Variants in SCHIP1 observed in about 807,000 individuals in gnomAD.
SCHIP1 encodes schwannomin-interacting protein 1.
A neutral mutation model predicts 29.7 loss-of-function variants in SCHIP1; 8 were observed. The ratio of observed to expected loss-of-function variants is 0.27; its 90% CI spans 0.16 to 0.49. The LOEUF (loss-of-function observed/expected upper bound fraction) is 0.49, where lower values mean the gene tolerates loss of function less well. Among genes scored for constraint, SCHIP1 ranks in the 20% least tolerant of loss-of-function variants. The pLI, the probability that SCHIP1 is intolerant of heterozygous loss-of-function variation, is 0.99. For synonymous variants in SCHIP1, 76 were observed against 94.9 expected (o/e 0.80, Z 1.16); for missense variants, 193 against 294.6 (o/e 0.66, Z 2.52).
chr3:159,379,215 T>G, the SCHIP1 span, among the ~76,000 whole-genome samples: 2 of 149,192 alleles, frequency 1.3e-5, no homozygotes, highest in African/African-American at 5.1e-5. Flanking sequence ...TAGGTGGGTT[T>G]TTTTGGTTTT....
the SCHIP1 span, among the ~76,000 whole-genome samples, chr3:159,680,583 ATATAATATATG>A: frequency 1.8e-5 from 2 of 109,886 alleles, no homozygotes; most frequent in Non-Finnish European, 3.4e-5. Context: ...ATATATCTAT[ATATAATATATG>A]TATAATATAT....
chr3:159,335,264 A>G, the SCHIP1 span, among the ~76,000 whole-genome samples: 1 of 152,158 alleles, frequency 6.6e-6, no homozygotes, highest in African/African-American at 2.4e-5. Flanking sequence ...TACCAGCAGC[A>G]TATGAGAGAT....
the SCHIP1 span, among the ~76,000 whole-genome samples, chr3:159,452,051 G>A: frequency 4.0e-5 from 6 of 151,830 alleles, no homozygotes; most frequent in South Asian, 2.1e-4. Context: ...AGTGGTCTGC[G>A]TTGTGTGTAA....
the SCHIP1 span, among the ~76,000 whole-genome samples, chr3:159,546,847 G>A: frequency 6.6e-6 from 1 of 151,942 alleles, no homozygotes; most frequent in Non-Finnish European, 1.5e-5. Context: ...TTGGTTCCAA[G>A]TCTTTGCTAT....
chr3:159,604,044 C>T, the SCHIP1 span, among the ~76,000 whole-genome samples: 2 of 152,192 alleles, frequency 1.3e-5, no homozygotes. Flanking sequence ...AACACTGCTG[C>T]ATTGGAGATC....
At chr3:159,807,837 C>T in the SCHIP1 span, among the ~76,000 whole-genome samples, 8 of 152,238 alleles carry the variant, frequency 5.3e-5, no homozygotes, top group Admixed American at 5.2e-4. Flanking sequence ...CTGCTGCCTT[C>T]TTAAGTCCTC....
chr3:159,357,889 A>G, the SCHIP1 span, among the ~76,000 whole-genome samples: 5 of 152,360 alleles, frequency 3.3e-5, no homozygotes, highest in Admixed American at 3.3e-4. Flanking sequence ...GAATAAATGC[A>G]GGAAGTGCCA....
the SCHIP1 span, among the ~76,000 whole-genome samples, chr3:159,522,658 C>A: frequency 6.6e-6 from 1 of 152,152 alleles, no homozygotes; most frequent in Non-Finnish European, 1.5e-5. Flanking sequence ...ATCACATGGT[C>A]AAGAGATTGA....
the SCHIP1 span, among the ~76,000 whole-genome samples, chr3:159,584,799 C>T: frequency 6.6e-6 from 1 of 152,056 alleles, no homozygotes; most frequent in Admixed American, 6.6e-5. Context: ...GTATGGGAAT[C>T]ACTGCTCCAA....
chr3:159,764,155 G>T, the SCHIP1 span: 61 of 377,958 alleles, frequency 1.6e-4, no homozygotes, highest in East Asian at 2.5e-3. The surrounding 1 kb of genome is among the most constrained non-coding windows in gnomAD (Gnocchi z 6.1). Context: ...CAAAGTCTGC[G>T]CGCGCCGCGG....
At chr3:159,817,327 G>A in the SCHIP1 span, among the ~76,000 whole-genome samples, 7 of 152,236 alleles carry the variant, frequency 4.6e-5, no homozygotes, top group East Asian at 1.9e-4. Flanking sequence ...TGCGGGTGGC[G>A]GGGTCGAGGA....
the SCHIP1 span, among the ~76,000 whole-genome samples, chr3:159,651,136 A>T: frequency 4.6e-5 from 7 of 152,192 alleles, no homozygotes; most frequent in African/African-American, 1.7e-4. Flanking sequence ...CTATCATTTT[A>T]TTATTACTTA....
chr3:159,512,265 G>T, the SCHIP1 span, among the ~76,000 whole-genome samples: 1 of 152,140 alleles, frequency 6.6e-6, no homozygotes, highest in African/African-American at 2.4e-5. Flanking sequence ...TTCGTTCATC[G>T]GGGATGTGTG....
At chr3:159,506,143 C>T in the SCHIP1 span, among the ~76,000 whole-genome samples, 1 of 152,300 alleles carries the variant, frequency 6.6e-6, no homozygotes, top group Non-Finnish European at 1.5e-5. Context: ...TGTTCCCTGA[C>T]TTTTTAGTGA....
the SCHIP1 span, among the ~76,000 whole-genome samples, chr3:159,550,283 T>G: frequency 6.6e-6 from 1 of 152,000 alleles, no homozygotes; most frequent in Admixed American, 6.6e-5. Flanking sequence ...TGTATTAAAT[T>G]TTTTGACTGT....
chr3:159,651,002 A>C, the SCHIP1 span, among the ~76,000 whole-genome samples: 204 of 152,284 alleles, frequency 1.3e-3, no homozygotes, highest in African/African-American at 4.5e-3. Flanking sequence ...TCTGTGACTC[A>C]TCTTTCTAAT....
the SCHIP1 span, among the ~76,000 whole-genome samples, chr3:159,637,095 T>A: frequency 6.6e-6 from 1 of 152,338 alleles, no homozygotes; most frequent in East Asian, 1.9e-4. Flanking sequence ...GAACAGTTGA[T>A]CATTTGAAGT....
chr3:159,643,768 T>G, the SCHIP1 span, among the ~76,000 whole-genome samples: 9 of 152,148 alleles, frequency 5.9e-5, no homozygotes, highest in African/African-American at 2.2e-4. Flanking sequence ...CAATAATTGA[T>G]GTTTTCTTCC....
chr3:159,276,887 C>T, the SCHIP1 span, among the ~76,000 whole-genome samples: 1 of 152,284 alleles, frequency 6.6e-6, no homozygotes, highest in Middle Eastern at 3.4e-3. Flanking sequence ...ATCCAGGCAG[C>T]CAGTCCTAGG....
Sources: gnomAD v4.1 joint callset for allele counts (sites outside exome capture counted in the v4.1 genomes callset) on GRCh38, gnomAD v4.1.1 for gene constraint, Gnocchi (gnomAD v3.1) non-coding constraint, MANE v1.5 for transcripts, NCBI Gene and HGNC (gene_info 2026-07-23, HGNC 2026-07-21) for gene names.